THSD4: variants seen among roughly 807,000 people sequenced by gnomAD.
THSD4 encodes thrombospondin type-1 domain-containing protein 4.
A neutral mutation model predicts 119.0 loss-of-function variants in THSD4; 69 were observed. The ratio of observed to expected loss-of-function variants is 0.58; its 90% CI spans 0.48 to 0.71. THSD4 has a LOEUF of 0.71. Ranked by LOEUF, THSD4 falls within the 30% of genes least tolerant of loss-of-function variation. The pLI is 0.00. For synonymous variants in THSD4, 524 were observed against 540.4 expected (o/e 0.97, Z 0.42); for missense variants, 1,393 against 1,391.1 (o/e 1.00, Z -0.02).
At chr15:71,641,540 G>A (rs922768147) in intron 7 of THSD4, among the ~76,000 whole-genome samples, 12 of 152,100 alleles carry the variant, frequency 7.9e-5, no homozygotes, top group Middle Eastern at 3.4e-3. Flanking sequence ...AAGGTTATGC[G>A]TCTTGCCTGA....
intron 8 of THSD4, among the ~76,000 whole-genome samples, chr15:71,662,556 C>T (rs1334615047): frequency 1.3e-5 from 2 of 152,178 alleles, no homozygotes; most frequent in Non-Finnish European, 2.9e-5. Context: ...TACCGGCAAA[C>T]AATGCCACTT....
At chr15:71,442,451 C>A (rs1232894712) in intron 7 of THSD4, among the ~76,000 whole-genome samples, 2 of 149,660 alleles carry the variant, frequency 1.3e-5, no homozygotes, top group Non-Finnish European at 3.0e-5. Flanking sequence ...TACCTGTAAT[C>A]CCAGCTACTT....
chr15:71,448,379 C>T (rs2047218195), intron 7 of THSD4, among the ~76,000 whole-genome samples: 1 of 152,110 alleles, frequency 6.6e-6, no homozygotes, highest in Non-Finnish European at 1.5e-5. Context: ...AAGTCTAACT[C>T]CCTTAACATT....
chr15:71,642,483 A>G (rs1392424152), intron 7 of THSD4, among the ~76,000 whole-genome samples: 2 of 152,126 alleles, frequency 1.3e-5, no homozygotes, highest in African/African-American at 2.4e-5. Flanking sequence ...TCATGCTGCT[A>G]TAAAGACACA....
chr15:71,113,564 A>G (rs1252434583), upstream of THSD4: 1 of 152,242 alleles, frequency 6.6e-6, no homozygotes, highest in Admixed American at 6.5e-5. Context: ...AGCTCTGCAG[A>G]GCATCTCAGA....
intron 7 of THSD4, among the ~76,000 whole-genome samples, chr15:71,535,008 C>T (rs1479086316): frequency 6.6e-6 from 1 of 152,156 alleles, no homozygotes; most frequent in Non-Finnish European, 1.5e-5. Flanking sequence ...TCATCCAATT[C>T]ACTGATTTCA....
chr15:71,522,766 C>T (rs932444695), intron 7 of THSD4, among the ~76,000 whole-genome samples: 1 of 152,180 alleles, frequency 6.6e-6, no homozygotes, highest in African/African-American at 2.4e-5. Context: ...CTAGGTAGAA[C>T]TGAAAGGTGT....
intron 7 of THSD4, among the ~76,000 whole-genome samples, chr15:71,537,072 A>G (rs1567025755): frequency 6.6e-6 from 1 of 152,082 alleles, no homozygotes; most frequent in Admixed American, 6.5e-5. Flanking sequence ...CACAGTTAAC[A>G]TTGTCTTTAA....
At chr15:71,568,568 C>CTTTTTTTTTTTTTTTTTTTT (rs61430926) in intron 7 of THSD4, among the ~76,000 whole-genome samples, 3 of 137,866 alleles carry the variant, frequency 2.2e-5, no homozygotes, top group Non-Finnish European at 3.1e-5. Context: ...CTCTTTTTCT[C>CTTTTTTTTTTTTTTTTTTTT]TTTTTTTTTT....
chr15:71,203,153 G>A (rs11855383), intron 3 of THSD4, among the ~76,000 whole-genome samples: 5,126 of 152,256 alleles, frequency 0.034, 121 homozygotes, highest in Non-Finnish European at 0.046. Context: ...GCCAGGTGAA[G>A]GTGGGCAGGG....
intron 7 of THSD4, among the ~76,000 whole-genome samples, chr15:71,442,695 T>TATATATACAC (rs2047126363): frequency 8.4e-6 from 1 of 118,442 alleles, no homozygotes; most frequent in African/African-American, 3.1e-5. Flanking sequence ...TATATATATA[T>TATATATACAC]ATATATATGA....
At chr15:71,620,958 G>A (rs1481186531) in intron 7 of THSD4, among the ~76,000 whole-genome samples, 5 of 152,102 alleles carry the variant, frequency 3.3e-5, no homozygotes, top group Non-Finnish European at 4.4e-5. Context: ...TAATTTCTTT[G>A]GCTGTAAATT....
At chr15:71,646,484 C>T (rs537046719) in intron 7 of THSD4, among the ~76,000 whole-genome samples, 64 of 152,306 alleles carry the variant, frequency 4.2e-4, no homozygotes, top group Non-Finnish European at 8.2e-4. Context: ...AGCTAAATAA[C>T]ATTCCAATCA....
intron 6 of THSD4, among the ~76,000 whole-genome samples, chr15:71,327,890 G>T (rs1312554656): frequency 6.6e-6 from 1 of 152,124 alleles, no homozygotes; most frequent in Non-Finnish European, 1.5e-5. Flanking sequence ...GATACCATTT[G>T]AGCCTCAGAA....
chr15:71,384,377 C>T (rs2046269394), intron 6 of THSD4, among the ~76,000 whole-genome samples: 2 of 151,288 alleles, frequency 1.3e-5, no homozygotes, highest in Admixed American at 1.3e-4. Context: ...AGCAAGACTC[C>T]GTCTCAAAAA....
chr15:71,639,800 G>A (rs1260434466), intron 7 of THSD4, among the ~76,000 whole-genome samples: 1 of 150,450 alleles, frequency 6.6e-6, no homozygotes, highest in Non-Finnish European at 1.5e-5. Flanking sequence ...ATTTCTTACA[G>A]GATGGCCTAA....
intron 6 of THSD4, among the ~76,000 whole-genome samples, chr15:71,332,891 C>CCTTTTTTTTTTTTTTTTTTTT (rs1184457820): frequency 7.9e-5 from 3 of 38,034 alleles, no homozygotes; most frequent in Non-Finnish European, 1.7e-4. Flanking sequence ...GATTTTTTTA[C>CCTTTTTTTTTTTTTTTTTTTT]ATTTTTTTTT....
chr15:71,174,824 C>G (rs1263286132), intron 3 of THSD4, among the ~76,000 whole-genome samples: 1 of 151,976 alleles, frequency 6.6e-6, no homozygotes, highest in African/African-American at 2.4e-5. Flanking sequence ...AAGTGGGTCC[C>G]TGACCCCTGA....
At chr15:71,463,140 C>T (rs2047449849) in intron 7 of THSD4, among the ~76,000 whole-genome samples, 1 of 152,214 alleles carries the variant, frequency 6.6e-6, no homozygotes, top group African/African-American at 2.4e-5. Context: ...CATTCACCTC[C>T]ATCCAATTCC....
Sources: allele counts gnomAD v4.1 joint callset (sites outside exome capture counted in the v4.1 genomes callset), GRCh38; gene constraint gnomAD v4.1.1; transcripts MANE v1.5; gene names NCBI Gene and HGNC (gene_info 2026-07-23, HGNC 2026-07-21).